Variants in HACE1 observed in about 807,000 individuals in gnomAD.
The protein encoded by HACE1 is HECT domain and ankyrin repeat containing E3 ubiquitin protein ligase 1, also known as E3 ubiquitin-protein ligase HACE1.
HACE1 carries 73 observed loss-of-function variants against 118.4 expected under a neutral mutation model. The ratio of observed to expected loss-of-function variants is 0.62; its 90% confidence interval spans 0.51 to 0.75. The LOEUF (loss-of-function observed/expected upper bound fraction) is 0.75. Ranked by LOEUF, HACE1 falls within the 30% of genes least tolerant of loss-of-function variation. The probability of loss-of-function intolerance (pLI) is 0.00; values close to 1 mark genes in which losing one functional copy is unlikely to be tolerated. For missense variants in HACE1, 749 were observed against 1,102.2 expected, an observed-to-expected ratio of 0.68 and a Z score of 4.54; for synonymous variants, 368 against 374.8, an observed-to-expected ratio of 0.98 and a Z score of 0.21.
chr6:104,849,947 TC>T (rs1776034936), intron 3 of HACE1, among the ~76,000 whole-genome samples: 1 of 122,152 alleles, frequency 8.2e-6, no homozygotes, highest in South Asian at 2.8e-4. Context: ...ACCACGCCCG[TC>T]CTTTTTTTTT....
intron 22 of HACE1, among the ~76,000 whole-genome samples, chr6:104,732,970 C>T (rs1775373666): frequency 6.6e-6 from 1 of 152,122 alleles, no homozygotes; most frequent in Admixed American, 6.5e-5. Flanking sequence ...TTCCTATTAA[C>T]AGCAAGAGAA....
chr6:104,774,366 A>G, intron 17 of HACE1, among the ~76,000 whole-genome samples: 1 of 98,356 alleles, frequency 1.0e-5, no homozygotes, highest in African/African-American at 4.8e-5. Flanking sequence ...CTGGGATTAC[A>G]GGCGTGAGCC....
rs34623570 is a variant in HACE1, at chr6:104,857,956, C to CA, written c.76+1610dup. Among the ~76,000 whole-genome samples the CA allele has an allele frequency of 5.8e-3, 593 of 101,564 alleles. 13 individuals carry two copies. The highest frequency in any genetic ancestry group is 0.041 in the Admixed American group (425 of 10,416). 66.6% of individuals were successfully genotyped at this position (101,564 alleles called of 152,430 possible). A position where few individuals can be genotyped will look rare whatever the true frequency, so the allele number is the denominator to read the frequency against. On this transcript the variant is annotated intron_variant, in intron 1 of 23. Coordinates refer to ENST00000262903, the MANE Select transcript of HACE1 (RefSeq NM_020771.4). ...TGGGCGACAGAGTGAGACTCCGTCTCAAAAAAAAAAAAAAAAAAGGATGTT... is the reference window on the plus strand; with the variant it reads ...TGGGCGACAGAGTGAGACTCCGTCTCAAAAAAAAAAAAAAAAAAAGGATGTT...
intron 12 of HACE1, 39 bp downstream of exon 12, chr6:104,784,946 A>G: frequency 1.6e-6 from 2 of 1,244,438 alleles, no homozygotes; most frequent in Non-Finnish European, 2.4e-6. Flanking sequence ...TTCATCATCT[A>G]TCAGAGAAAA....
At chr6:104,783,085 C>T (rs1005281995) in intron 14 of HACE1, among the ~76,000 whole-genome samples, 24 of 152,318 alleles carry the variant, frequency 1.6e-4, no homozygotes, top group African/African-American at 5.8e-4. Context: ...CCTATCAACA[C>T]AAAATTTCTG....
chr6:104,811,258 ATATATATATATATATG>A, intron 7 of HACE1, 37 bp downstream of exon 7: 1 of 306,290 alleles, frequency 3.3e-6, no homozygotes, highest in Non-Finnish European at 6.1e-6. Flanking sequence ...ATATATATAT[ATATATATATATATATG>A]AGCATATATA....
Position 104,750,518 on chromosome 6 carries a change from C to T in HACE1, c.2212-46G>A, listed in dbSNP as rs367642673. 2.6e-6 allele frequency: 4 copies of T among 1,537,244 alleles called. No homozygotes were observed. The African/African-American group carries it at 4.1e-5, about 16-fold the overall frequency. On this transcript the variant is annotated intron_variant, in intron 19 of 23. Coordinates refer to ENST00000262903, the MANE Select transcript of HACE1 (RefSeq NM_020771.4). ...ATGATGACTTTTCAAAAACCTTTTA[C>T]ATACTTAATGTTAATATAATTATTT...
intron 20 of HACE1, among the ~76,000 whole-genome samples, chr6:104,745,472 AG>A (rs1777318593): frequency 5.1e-5 from 2 of 38,864 alleles, no homozygotes; most frequent in African/African-American, 3.1e-4. Context: ...TTTGAGACCG[AG>A]TCTGGCTCTG....
intron 19 of HACE1, among the ~76,000 whole-genome samples, chr6:104,765,365 C>T (rs1163443834): frequency 6.6e-6 from 1 of 152,244 alleles, no homozygotes; most frequent in Non-Finnish European, 1.5e-5. Context: ...TACACTTACA[C>T]TTGCCTGTTG....
At chr6:104,805,543 T>C (rs928059881) in intron 7 of HACE1, among the ~76,000 whole-genome samples, 1 of 152,228 alleles carries the variant, frequency 6.6e-6, no homozygotes, top group African/African-American at 2.4e-5. Context: ...GAGGAGTTCA[T>C]GTCCTTTGCA....
chr6:104,790,550 C>T (rs908174937), intron 11 of HACE1, among the ~76,000 whole-genome samples: 1 of 152,086 alleles, frequency 6.6e-6, no homozygotes, highest in Non-Finnish European at 1.5e-5. Context: ...CCCAGGAGTT[C>T]GAGACTAGCC....
chr6:104,764,329 C>T (rs756221853), intron 19 of HACE1, among the ~76,000 whole-genome samples: 2 of 152,146 alleles, frequency 1.3e-5, no homozygotes, highest in African/African-American at 2.4e-5. Context: ...CCACTCACCT[C>T]GGCCTCCCAA....
At chr6:104,851,777 ATTC>A (rs1776231303) in intron 2 of HACE1, among the ~76,000 whole-genome samples, 1 of 152,186 alleles carries the variant, frequency 6.6e-6, no homozygotes, top group African/African-American at 2.4e-5. Context: ...TTCTCTTTAC[ATTC>A]TTCTTCTTAT....
intron 6 of HACE1, among the ~76,000 whole-genome samples, chr6:104,815,634 A>T (rs1772031206): frequency 7.3e-6 from 1 of 137,880 alleles, no homozygotes; most frequent in South Asian, 2.2e-4. Context: ...AAGTGCTGGG[A>T]TTACAGGCCT....
At chr6:104,844,022 A>ATTTTTGTAT (rs1775372425) in intron 4 of HACE1, among the ~76,000 whole-genome samples, 1 of 150,326 alleles carries the variant, frequency 6.7e-6, no homozygotes, top group Admixed American at 6.6e-5. Flanking sequence ...ACGCCAGCTA[A>ATTTTTGTAT]TTTTTGTATG....
intron 14 of HACE1, among the ~76,000 whole-genome samples, chr6:104,781,610 C>T (rs73768812): frequency 2.2e-3 from 329 of 152,288 alleles, no homozygotes; most frequent in African/African-American, 7.6e-3. Flanking sequence ...CTCATACTTG[C>T]TTATTTGATC....
At chr6:104,766,389 T>C (rs1055236407) in intron 19 of HACE1, among the ~76,000 whole-genome samples, 5 of 152,158 alleles carry the variant, frequency 3.3e-5, no homozygotes, top group South Asian at 2.1e-4. Flanking sequence ...TTACCACTTA[T>C]GGCTTCATGT....
At chr6:104,779,171 G>A (rs897606585) in intron 14 of HACE1, among the ~76,000 whole-genome samples, 4 of 152,206 alleles carry the variant, frequency 2.6e-5, no homozygotes, top group South Asian at 4.2e-4. Flanking sequence ...TGATACAGAC[G>A]GCAAGAAAAG....
At chr6:104,769,852 T>G (rs1346113753) in intron 19 of HACE1, among the ~76,000 whole-genome samples, 1 of 152,176 alleles carries the variant, frequency 6.6e-6, no homozygotes, top group Non-Finnish European at 1.5e-5. Flanking sequence ...CTCTTTTTTT[T>G]GTACACTATA....
Sources: gnomAD v4.1 joint callset for allele counts (sites outside exome capture counted in the v4.1 genomes callset) on GRCh38, gnomAD v4.1.1 for gene constraint, MANE v1.5 for transcripts, NCBI Gene and HGNC (gene_info 2026-07-23, HGNC 2026-07-21) for gene names.